The following SGCZ variants were observed in gnomAD, a reference collection of about 807,000 sequenced individuals.
SGCZ encodes sarcoglycan zeta, also known as zeta-sarcoglycan.
In SGCZ, 40 loss-of-function variants were observed where a neutral mutation model predicts 41.3. The observed-to-expected ratio is 0.97, with a 90% CI of 0.75 to 1.26. The LOEUF is 1.26. SGCZ is among the 50% of genes most tolerant of loss of function. The pLI is 0.00. For missense variants in SGCZ, 552 were observed against 369.8 expected (o/e 1.49, Z -4.04); for synonymous variants, 206 against 137.5 (o/e 1.50, Z -3.49).
chr8:14,298,404 A>G (rs111420432), intron 3 of SGCZ, among the ~76,000 whole-genome samples: 9 of 152,004 alleles, frequency 5.9e-5, no homozygotes, highest in African/African-American at 1.4e-4. Flanking sequence ...GAAAAAAACT[A>G]TTTCATTTGT....
intron 1 of SGCZ, among the ~76,000 whole-genome samples, chr8:15,002,659 T>G (rs1041705390): frequency 3.3e-5 from 5 of 152,300 alleles, no homozygotes; most frequent in African/African-American, 1.2e-4. Flanking sequence ...TCTCAAGCTT[T>G]TTGGGGGGAA....
intron 2 of SGCZ, among the ~76,000 whole-genome samples, chr8:14,411,740 TTATATA>T (rs1799365879): frequency 6.6e-6 from 1 of 152,130 alleles, no homozygotes; most frequent in African/African-American, 2.4e-5. Context: ...ATTTCCATGA[TTATATA>T]TAAAGACATT....
intron 1 of SGCZ, among the ~76,000 whole-genome samples, chr8:14,955,241 T>C (rs1029269346): frequency 6.6e-6 from 1 of 152,196 alleles, no homozygotes; most frequent in Non-Finnish European, 1.5e-5. Context: ...TTTTCTTCAA[T>C]GTTATGTTTG....
intron 3 of SGCZ, among the ~76,000 whole-genome samples, chr8:14,321,193 T>A (rs1465395699): frequency 6.6e-6 from 1 of 152,084 alleles, no homozygotes; most frequent in Non-Finnish European, 1.5e-5. Context: ...GTTCTATGAG[T>A]AATCTTCCCT....
At position 14,923,309 on chromosome 8, in the gene SGCZ, T is replaced by C. The variant is rs370759764; in HGVS notation, c.39+314276A>G. On this transcript the variant is annotated intron_variant, in intron 1 of 7. Coordinates refer to ENST00000382080, the MANE Select transcript of SGCZ (RefSeq NM_139167.4). The stretch of plus-strand genomic sequence containing the variant: ...TTCAATATTTCTAATAAGATGGAAA[T>C]TTTTTCCATTGAGTGCATGTATTTC... Among the ~76,000 whole-genome samples, 560 of 152,274 alleles carry C rather than the reference T, an allele frequency of 3.7e-3. 5 individuals are homozygous for C. The highest frequency in any genetic ancestry group is 0.013 in the African/African-American group (537 of 41,526).
chr8:14,713,952 A>G (rs1414765992), intron 1 of SGCZ, among the ~76,000 whole-genome samples: 1 of 152,044 alleles, frequency 6.6e-6, no homozygotes, highest in Non-Finnish European at 1.5e-5. Context: ...TTTTAAGTCT[A>G]GAAGCATCTG....
intron 1 of SGCZ, among the ~76,000 whole-genome samples, chr8:14,936,977 A>G (rs1007334184): frequency 6.6e-6 from 1 of 151,874 alleles, no homozygotes; most frequent in Non-Finnish European, 1.5e-5. Flanking sequence ...AATATTTCAA[A>G]TTAAAAAGTT....
intron 4 of SGCZ, among the ~76,000 whole-genome samples, chr8:14,227,046 TAGTA>T (rs1806397269): frequency 6.6e-6 from 1 of 152,024 alleles, no homozygotes; most frequent in Non-Finnish European, 1.5e-5. Context: ...CTGATTCAAT[TAGTA>T]GCTCACAGGT....
At chr8:15,178,402 A>G (rs960950828) in intron 1 of SGCZ, among the ~76,000 whole-genome samples, 2 of 152,102 alleles carry the variant, frequency 1.3e-5, no homozygotes, top group Middle Eastern at 3.2e-3. Context: ...CTAAGCCTCA[A>G]TTACCCCATG....
chr8:14,288,884 C>A (rs1386664845), intron 3 of SGCZ, among the ~76,000 whole-genome samples: 4 of 152,122 alleles, frequency 2.6e-5, no homozygotes, highest in African/African-American at 9.7e-5. Flanking sequence ...TCCTATTTTA[C>A]ATTTCAACCA....
At chr8:14,749,708 C>G (rs936882885) in intron 1 of SGCZ, among the ~76,000 whole-genome samples, 4 of 151,662 alleles carry the variant, frequency 2.6e-5, no homozygotes, top group Non-Finnish European at 5.9e-5. Context: ...CAAAATAACT[C>G]AAATGCAGTA....
intron 2 of SGCZ, among the ~76,000 whole-genome samples, chr8:14,436,289 A>T (rs1800089148): frequency 6.6e-6 from 1 of 152,190 alleles, no homozygotes; most frequent in Non-Finnish European, 1.5e-5. Context: ...GAGAGGACAG[A>T]TCTGTAAGAG....
intron 1 of SGCZ, among the ~76,000 whole-genome samples, chr8:14,705,016 T>C (rs1029896579): frequency 6.6e-6 from 1 of 152,022 alleles, no homozygotes; most frequent in Non-Finnish European, 1.5e-5. Flanking sequence ...AATATTGATA[T>C]TAATAGCCAC....
chr8:14,113,229 T>G (rs928334064), intron 5 of SGCZ, among the ~76,000 whole-genome samples: 1 of 152,068 alleles, frequency 6.6e-6, no homozygotes, highest in Non-Finnish European at 1.5e-5. Flanking sequence ...CTGAGCCCAT[T>G]TGTGTGTTCA....
intron 2 of SGCZ, among the ~76,000 whole-genome samples, chr8:14,465,382 G>A (rs138429470): frequency 6.6e-6 from 1 of 151,504 alleles, no homozygotes; most frequent in East Asian, 1.9e-4. Context: ...AACTATCCGT[G>A]GTATTATTTG....
At chr8:14,333,680 A>G (rs140701500) in intron 2 of SGCZ, among the ~76,000 whole-genome samples, 189 of 152,260 alleles carry the variant, frequency 1.2e-3, no homozygotes, top group African/African-American at 4.4e-3. Context: ...ATTTTGGTCA[A>G]TGGGTCCTCC....
chr8:15,166,243 CTTTTTTTTTTTT>C (rs1167112993), intron 1 of SGCZ, among the ~76,000 whole-genome samples: 5 of 129,312 alleles, frequency 3.9e-5, no homozygotes, highest in Non-Finnish European at 8.4e-5. Flanking sequence ...TTTTTTTTTT[CTTTTTTTTTTTT>C]TTCTTTTTTT....
chr8:14,369,536 G>C (rs79871428), intron 2 of SGCZ, among the ~76,000 whole-genome samples: 3,009 of 151,894 alleles, frequency 0.02, 80 homozygotes, highest in African/African-American at 0.056. Context: ...GCATCTCCCA[G>C]GTTTCTCTAC....
At chr8:14,902,729 T>G (rs1343327360) in intron 1 of SGCZ, among the ~76,000 whole-genome samples, 1 of 152,078 alleles carries the variant, frequency 6.6e-6, no homozygotes, top group Non-Finnish European at 1.5e-5. Flanking sequence ...TTTCCTGCAA[T>G]TTTCTTTACA....
Sources: allele counts gnomAD v4.1 joint callset (sites outside exome capture counted in the v4.1 genomes callset), GRCh38; gene constraint gnomAD v4.1.1; transcripts MANE v1.5; gene names NCBI Gene and HGNC (gene_info 2026-07-23, HGNC 2026-07-21).